DYSF: variants seen among roughly 807,000 people sequenced by gnomAD.
DYSF encodes the protein dystrophy-associated fer-1-like 1.
DYSF carries 212 observed loss-of-function variants against 274.9 expected under a neutral mutation model. The observed-to-expected ratio is 0.77, with a 90% CI of 0.69 to 0.86. The LOEUF (loss-of-function observed/expected upper bound fraction) is 0.86. Among genes scored for constraint, DYSF ranks in the 40% least tolerant of loss-of-function variants. DYSF has a pLI of 0.00. For synonymous variants in DYSF, 1,091 were observed against 1,078.7 expected (o/e 1.01, Z -0.22); for missense variants, 2,666 against 2,783.2 (o/e 0.96, Z 0.95).
At chr2:71,583,553 T>A (rs2092965829) in intron 30 of DYSF, among the ~76,000 whole-genome samples, 1 of 152,196 alleles carries the variant, frequency 6.6e-6, no homozygotes, top group African/African-American at 2.4e-5. Context: ...GCCTGTGACT[T>A]GTTGCTGTGT....
chr2:71,609,870 C>T (rs1243410549), intron 36 of DYSF, among the ~76,000 whole-genome samples: 3 of 152,162 alleles, frequency 2.0e-5, no homozygotes, highest in Admixed American at 6.5e-5. Flanking sequence ...TATGGATGTA[C>T]CATCCTCGCA....
At position 71,668,860 on chromosome 2, in the gene DYSF, A is replaced by C. The variant is rs534855764; in HGVS notation, c.5546+18A>C. On this transcript the variant is annotated intron_variant, in intron 49 of 55. Coordinates refer to ENST00000410020, the MANE Select transcript of DYSF (RefSeq NM_001130987.2). ...GCCAGAAGGTGACTTGCCCAGCCAC[A>C]GGCTCTGAGCTGGGCTGAGGGGTGG... 6.2e-7 allele frequency: 1 copy of C among 1,609,678 alleles called. No homozygotes were observed. Among genetic ancestry groups the C allele is most frequent in the Admixed American group, 1.7e-5 (1 of 59,730 alleles).
chr2:71,636,610 A>G (rs958774748), intron 41 of DYSF, among the ~76,000 whole-genome samples: 3 of 152,156 alleles, frequency 2.0e-5, no homozygotes, highest in African/African-American at 7.2e-5. Flanking sequence ...TAGCTTTGCA[A>G]AGCCTATCAG....
At chr2:71,620,138 T>G (rs554756074) in intron 40 of DYSF, among the ~76,000 whole-genome samples, 14 of 152,194 alleles carry the variant, frequency 9.2e-5, no homozygotes, top group African/African-American at 3.4e-4. Flanking sequence ...GCTCAGAGGT[T>G]AGGATGCTGG....
chr2:71,496,531 A>G (rs2084414496), intron 3 of DYSF, among the ~76,000 whole-genome samples: 1 of 152,102 alleles, frequency 6.6e-6, no homozygotes, highest in South Asian at 2.1e-4. Context: ...TTACACGTAG[A>G]CATATAGCTG....
In DYSF at chr2:71,513,763, G is replaced by T; in HGVS notation, c.601G>T (p.Glu201Ter). ...AGAGGACCAGGGACTCACTGGAGAT[G>T]AGGCGGAGCCATTCCTGGATCAAAG... ...DTEDQGLTGD[E>*]AEPFLDQSGG... The change falls in exon 7 of 56, where the codon GAG becomes TAG. Residue 201 changes from glutamate to a stop codon, truncating the protein, a stop_gained. Coordinates refer to ENST00000410020, the MANE Select transcript of DYSF (RefSeq NM_001130987.2). LOFTEE classifies it high-confidence loss of function. 1 of 1,614,196 alleles carries T rather than the reference G, an allele frequency of 6.2e-7. No individual in the cohort carries two copies. The highest frequency in any genetic ancestry group is 2.2e-5 in the East Asian group (1 of 44,870).
intron 29 of DYSF, chr2:71,570,992 A>G (rs995810003): frequency 7.4e-6 from 4 of 539,796 alleles, no homozygotes; most frequent in Admixed American, 3.2e-5. Flanking sequence ...CAGCACACAG[A>G]TCACACTGGG....
At chr2:71,587,806 G>A (rs553530143) in intron 30 of DYSF, among the ~76,000 whole-genome samples, 113 of 152,318 alleles carry the variant, frequency 7.4e-4, no homozygotes, top group Non-Finnish European at 1.3e-3. Context: ...GAGAGTCCAG[G>A]CATCTCCCTG....
intron 12 of DYSF, among the ~76,000 whole-genome samples, chr2:71,521,772 C>T (rs2087297651): frequency 6.6e-6 from 1 of 152,082 alleles, no homozygotes; most frequent in Non-Finnish European, 1.5e-5. Context: ...CTTAGCTGGG[C>T]CCCGGGTGCT....
At chr2:71,571,430 A>T in intron 29 of DYSF, among the ~76,000 whole-genome samples, 2 of 96,018 alleles carry the variant, frequency 2.1e-5, no homozygotes, top group African/African-American at 3.1e-5. Context: ...CACAGTCAGC[A>T]CACACAGATC....
chr2:71,570,422 A>G, intron 28 of DYSF, 88 bp downstream of exon 28: 2 of 1,473,326 alleles, frequency 1.4e-6, no homozygotes, highest in Non-Finnish European at 1.9e-6. Context: ...AGGGCCCTTC[A>G]CTGGGCTATT....
Position 71,568,181 on chromosome 2 carries a change from G to A in DYSF, c.2707G>A (p.Glu903Lys), listed in dbSNP as rs770997582. The A allele has an allele frequency of 1.9e-5, 31 of 1,614,200 alleles. No individual in the cohort carries two copies. Among genetic ancestry groups the A allele is most frequent in the South Asian group, 1.8e-4 (16 of 91,084 alleles). Residue 903 changes from glutamate to lysine, a missense_variant, in exon 26 of 56, where the codon GAG (glutamate) becomes AAG (lysine). By Grantham distance (56) the Glu-to-Lys change is moderately conservative (BLOSUM62 1). Coordinates refer to ENST00000410020, the MANE Select transcript of DYSF (RefSeq NM_001130987.2). Reference sequence around the variant, plus strand: ...CTTCCTGGCCCTCCAGTATGAGAACGAGACTAAGTTGGCCCTTGTTGGGAA... The same window carrying A: ...CTTCCTGGCCCTCCAGTATGAGAACAAGACTAAGTTGGCCCTTGTTGGGAA... ...LSVFAETYEN[E>K]TKLALVGNWG...
At chr2:71,679,260 G>A (rs2152967953) in intron 53 of DYSF, 25 bp downstream of exon 53, 1 of 1,608,910 alleles carries the variant, frequency 6.2e-7, no homozygotes, top group East Asian at 2.2e-5. Context: ...TCCAGCCCCA[G>A]TGGAGGGCAT....
chr2:71,581,624 G>A (rs972113970), intron 30 of DYSF, among the ~76,000 whole-genome samples: 1 of 152,222 alleles, frequency 6.6e-6, no homozygotes, highest in African/African-American at 2.4e-5. Flanking sequence ...CTCTGATGGG[G>A]TAGTAGGAGC....
intron 41 of DYSF, among the ~76,000 whole-genome samples, chr2:71,621,578 T>A (rs2094100285): frequency 6.6e-6 from 1 of 151,430 alleles, no homozygotes; most frequent in East Asian, 1.9e-4. Context: ...TTGGATTTTT[T>A]AAATTTAAAA....
chr2:71,602,437 C>A (rs372310175), intron 35 of DYSF, among the ~76,000 whole-genome samples: 2 of 152,186 alleles, frequency 1.3e-5, no homozygotes, highest in South Asian at 2.1e-4. Context: ...AGGCCACAGG[C>A]TCCCAAGCCC....
At position 71,602,645 on chromosome 2, in the gene DYSF, C is replaced by G. The variant is rs2093573333; in HGVS notation, c.3928-131C>G. On this transcript the variant is annotated intron_variant, in intron 35 of 55. Coordinates refer to ENST00000410020, the MANE Select transcript of DYSF (RefSeq NM_001130987.2). ...TGGGAGGTGGTTTCTGTTGGCTCCT[C>G]TTAGTGGTGGCATCTGGCATGCTGA... is the stretch of plus-strand genomic sequence containing the variant. 3 of 905,576 alleles carry G rather than the reference C, an allele frequency of 3.3e-6. No homozygotes were observed. The South Asian group carries it at 4.3e-5, about 13-fold the overall frequency. 56.1% of individuals were successfully genotyped at this position (905,576 alleles called of 1,614,324 possible).
chr2:71,501,146 T>C (rs2084930581), intron 3 of DYSF, among the ~76,000 whole-genome samples: 1 of 152,042 alleles, frequency 6.6e-6, no homozygotes. Flanking sequence ...GGAACACAAA[T>C]CAGTTTACAT....
At chr2:71,464,580 C>A (rs557350737), upstream of DYSF, among the ~76,000 whole-genome samples, 2 of 152,230 alleles carry the variant, frequency 1.3e-5, no homozygotes, top group East Asian at 3.9e-4. Context: ...AGCTGGAAGG[C>A]TAGCATGGGT....
Sources: allele counts gnomAD v4.1 joint callset (sites outside exome capture counted in the v4.1 genomes callset), GRCh38; gene constraint gnomAD v4.1.1; transcripts MANE v1.5; gene names NCBI Gene and HGNC (gene_info 2026-07-23, HGNC 2026-07-21).